The following COL23A1 variants were observed in gnomAD, a reference collection of about 807,000 sequenced individuals.
COL23A1 encodes collagen alpha-1(XXIII) chain.
In COL23A1, 97 loss-of-function variants were observed where a neutral mutation model predicts 99.3. The ratio of observed to expected loss-of-function variants is 0.98; its 90% CI spans 0.83 to 1.16. COL23A1 has a LOEUF of 1.16. COL23A1 is among the 50% of genes most tolerant of loss of function. COL23A1 has a pLI of 0.00. For missense variants in COL23A1, 762 were observed against 757.4 expected, an observed-to-expected ratio of 1.01 and a Z score of -0.07; for synonymous variants, 320 against 308.2, an observed-to-expected ratio of 1.04 and a Z score of -0.40.
intron 17 of COL23A1, 78 bp downstream of exon 17, chr5:178,252,466 T>C (rs1765086831): frequency 6.5e-6 from 9 of 1,387,420 alleles, no homozygotes; most frequent in Non-Finnish European, 7.0e-6. Flanking sequence ...TGGAACAGGG[T>C]CACAGAGCAG....
At chr5:178,324,068 G>A (rs1015703530) in intron 2 of COL23A1, among the ~76,000 whole-genome samples, 9 of 151,976 alleles carry the variant, frequency 5.9e-5, no homozygotes, top group African/African-American at 1.7e-4. Context: ...GTCCCTGGGC[G>A]GCCCTGGACA....
intron 2 of COL23A1, among the ~76,000 whole-genome samples, chr5:178,414,938 T>G (rs1581343473): frequency 6.7e-6 from 1 of 149,056 alleles, no homozygotes; most frequent in Non-Finnish European, 1.5e-5. Flanking sequence ...GGGTGGGGAG[T>G]GGGAGGAGGT....
chr5:178,427,319 G>A (rs1765998351), intron 2 of COL23A1, among the ~76,000 whole-genome samples: 1 of 152,234 alleles, frequency 6.6e-6, no homozygotes, highest in African/African-American at 2.4e-5. Context: ...CATTGCTGGT[G>A]GGAATGCAGA....
At chr5:178,508,015 T>C (rs984166161) in intron 2 of COL23A1, among the ~76,000 whole-genome samples, 24 of 150,650 alleles carry the variant, frequency 1.6e-4, no homozygotes, top group African/African-American at 5.4e-4. Context: ...CTTTTTATTT[T>C]TTCTTCTTCT....
intron 4 of COL23A1, 186 bp from the exon 5 acceptor site, chr5:178,288,536 G>A (rs770042554): frequency 1.5e-6 from 1 of 659,802 alleles, no homozygotes; most frequent in Non-Finnish European, 2.8e-6. Flanking sequence ...CTGCCTCAGA[G>A]GGCCAGGCTG....
intron 28 of COL23A1, 59 bp from the exon 29 acceptor site, chr5:178,238,759 C>T: frequency 1.2e-6 from 2 of 1,611,314 alleles, no homozygotes. Flanking sequence ...CGCCCCCATC[C>T]AGGCCACCTT....
chr5:178,537,645 G>A (rs1029387191), intron 2 of COL23A1, among the ~76,000 whole-genome samples: 21 of 152,246 alleles, frequency 1.4e-4, no homozygotes, highest in African/African-American at 4.6e-4. Flanking sequence ...TGCCGAAGGC[G>A]GCTGTGGGGC....
chr5:178,241,777 G>A (rs1373858016), intron 27 of COL23A1, among the ~76,000 whole-genome samples: 2 of 152,242 alleles, frequency 1.3e-5, no homozygotes, highest in African/African-American at 4.8e-5. Flanking sequence ...TCCTGGGGGT[G>A]AAGAATGAGG....
At position 178,256,547 on chromosome 5, in the gene COL23A1, G is replaced by A. The variant is rs998478655; in HGVS notation, c.838-150C>T. 18 of 683,136 alleles carry A rather than the reference G, an allele frequency of 2.6e-5. 1 individual carries two copies. The South Asian group carries it at 3.1e-4, about 12-fold the overall frequency. 42.3% of individuals were successfully genotyped at this position (683,136 alleles called of 1,614,324 possible). A position where few individuals can be genotyped will look rare whatever the true frequency, so the allele number is the denominator to read the frequency against. ...CAAATGTATGAGAACAGCACTCCAG[G>A]AACGGGGCTCCTCCAGGGGCCTGCG... is the stretch of plus-strand genomic sequence containing the variant. On this transcript the variant is annotated intron_variant, in intron 14 of 28. Transcript: ENST00000390654.
chr5:178,503,241 C>A (rs922538770), intron 2 of COL23A1, among the ~76,000 whole-genome samples: 3 of 151,974 alleles, frequency 2.0e-5, no homozygotes, highest in African/African-American at 7.3e-5. Flanking sequence ...ATTAGCCAAG[C>A]GTGGTGGCTG....
intron 2 of COL23A1, among the ~76,000 whole-genome samples, chr5:178,488,099 A>G (rs1459036745): frequency 6.6e-6 from 1 of 152,236 alleles, no homozygotes; most frequent in Non-Finnish European, 1.5e-5. Flanking sequence ...GGTGCCTGGC[A>G]CACACGGAGC....
rs139289242 is a variant in COL23A1, at chr5:178,313,881, G to A, written c.362-6962C>T. ...GCGAGGTCCCTGGAAAAGAGCTTCC[G>A]AGACCAGATCATTAAAACATCTCCC... On this transcript the variant is annotated intron_variant, in intron 2 of 28. Coordinates refer to ENST00000390654, the MANE Select transcript of COL23A1 (RefSeq NM_173465.4). This position sits in a 1 kb window ranked among gnomAD's most constrained non-coding sequence, Gnocchi z 4.2. Among the ~76,000 whole-genome samples the A allele has an allele frequency of 1.1e-3, 170 of 152,248 alleles. No homozygotes were observed. The highest frequency in any genetic ancestry group is 3.9e-3 in the African/African-American group (160 of 41,538).
Position 178,550,535 on chromosome 5 carries a change from A to T in COL23A1, c.361+10147T>A, listed in dbSNP as rs576092793. Among the ~76,000 whole-genome samples, 6 of 152,362 alleles carry T rather than the reference A, an allele frequency of 3.9e-5. No individual in the cohort carries two copies. The South Asian group carries it at 1.2e-3, about 32-fold the overall frequency. On this transcript the variant is annotated intron_variant, in intron 2 of 28. Transcript: ENST00000390654. ...GGTTTCTGACTTCAGTGCCAGGCTTATAAAATCTGTTTCTACTGCGTAATT... is the reference window on the plus strand; with the variant it reads ...GGTTTCTGACTTCAGTGCCAGGCTTTTAAAATCTGTTTCTACTGCGTAATT...
At chr5:178,451,871 T>C (rs1299665702) in intron 2 of COL23A1, among the ~76,000 whole-genome samples, 2 of 152,084 alleles carry the variant, frequency 1.3e-5, no homozygotes, top group Non-Finnish European at 2.9e-5. Context: ...AAAAGTAAGA[T>C]TTGAAACAGT....
At chr5:178,347,990 C>T (rs965120675) in intron 2 of COL23A1, among the ~76,000 whole-genome samples, 18 of 151,826 alleles carry the variant, frequency 1.2e-4, no homozygotes, top group African/African-American at 3.6e-4. Flanking sequence ...GTTCTAGAAA[C>T]TTAGAGGAGT....
intron 2 of COL23A1, among the ~76,000 whole-genome samples, chr5:178,423,067 A>G (rs942075703): frequency 2.2e-4 from 34 of 152,122 alleles, no homozygotes; most frequent in African/African-American, 5.8e-4. Context: ...ACTGGGCTCA[A>G]GCAATTCTCT....
chr5:178,458,708 TA>T (rs1255438905), intron 2 of COL23A1, among the ~76,000 whole-genome samples: 8 of 150,040 alleles, frequency 5.3e-5, no homozygotes, highest in African/African-American at 2.0e-4. Context: ...CGAAGAAGAG[TA>T]AAAGGATCAA....
intron 2 of COL23A1, among the ~76,000 whole-genome samples, chr5:178,435,036 G>A (rs564785605): frequency 1.1e-3 from 168 of 152,330 alleles, no homozygotes; most frequent in African/African-American, 3.8e-3. Context: ...GGATGCAGGC[G>A]CTGTGTGCCC....
intron 2 of COL23A1, among the ~76,000 whole-genome samples, chr5:178,508,890 T>C (rs1759033935): frequency 2.6e-5 from 4 of 152,210 alleles, no homozygotes; most frequent in Admixed American, 2.6e-4. Context: ...AGTCTTCTTA[T>C]GTTTGTTTTA....
Sources: gnomAD v4.1 joint callset for allele counts (sites outside exome capture counted in the v4.1 genomes callset) on GRCh38, gnomAD v4.1.1 for gene constraint, Gnocchi (gnomAD v3.1) non-coding constraint, MANE v1.5 for transcripts, NCBI Gene and HGNC (gene_info 2026-07-23, HGNC 2026-07-21) for gene names.